HLTF: variants seen among roughly 807,000 people sequenced by gnomAD.
The protein encoded by HLTF is DNA-dependent ATPase/E3 ubiquitin-protein ligase HLTF.
A neutral mutation model predicts 129.4 loss-of-function variants in HLTF; 127 were observed. The ratio of observed to expected loss-of-function variants is 0.98; its 90% CI spans 0.85 to 1.14. HLTF has a LOEUF of 1.14. Ranked by LOEUF, HLTF falls within the 50% of genes most tolerant of loss-of-function variation. HLTF has a pLI of 0.00. For synonymous variants in HLTF, 332 were observed against 388.8 expected, an observed-to-expected ratio of 0.85 and a Z score of 1.72; for missense variants, 1,139 against 1,187.1, an observed-to-expected ratio of 0.96 and a Z score of 0.60.
chr3:149,068,357 T>A (rs752641503), intron 7 of HLTF, 22 bp from the exon 8 acceptor site: 2 of 1,169,610 alleles, frequency 1.7e-6, no homozygotes, highest in African/African-American at 3.1e-5. Context: ...TTTAAAAAGA[T>A]AAATGGTCAG....
At chr3:149,038,462 T>C (rs1715833082) in intron 23 of HLTF, among the ~76,000 whole-genome samples, 1 of 152,238 alleles carries the variant, frequency 6.6e-6, no homozygotes, top group Non-Finnish European at 1.5e-5. Context: ...TATTTACTTT[T>C]CTGTGCTTCA....
chr3:149,044,017 C>G (rs1361055564), intron 18 of HLTF, among the ~76,000 whole-genome samples: 1 of 152,056 alleles, frequency 6.6e-6, no homozygotes, highest in Non-Finnish European at 1.5e-5. Context: ...AAGGAATAGG[C>G]AAAATAATAC....
chr3:149,084,724 A>G lies in HLTF; in HGVS notation c.186T>C (p.Ser62=), dbSNP rs1379316526. 1.2e-6 allele frequency: 2 copies of G among 1,613,988 alleles called. No homozygotes were observed. Among genetic ancestry groups the G allele is most frequent in the African/African-American group, 2.7e-5 (2 of 74,924 alleles). Residue 62 remains serine (S), a synonymous_variant, in exon 2 of 25, where the codon AGT becomes AGC. Coordinates refer to ENST00000310053, the MANE Select transcript of HLTF (RefSeq NM_003071.4). ...GTAGTCCAACCACATGACCTCTCAA[A>G]CTTCCAAATAAAACGGAATCTACTT... ...DEEVDSVLFG[S]LRGHVVGLRY...
intron 4 of HLTF, 137 bp from the exon 5 acceptor site, chr3:149,073,459 C>A: frequency 1.6e-6 from 1 of 611,714 alleles, no homozygotes; most frequent in South Asian, 2.3e-5. Context: ...TTTGGGAGGC[C>A]AAGGCAGGTG....
intron 10 of HLTF, chr3:149,063,059 C>CTCTTTT (rs1313336365): frequency 2.2e-6 from 1 of 456,676 alleles, no homozygotes; most frequent in African/African-American, 2.0e-5. Context: ...CTCTATCTCT[C>CTCTTTT]TCTTTTTCTT....
chr3:149,039,119 A>C lies in HLTF; in HGVS notation c.2726T>G (p.Leu909Arg). The change falls in exon 23 of 25, where the codon CTT becomes CGT. Residue 909 changes from leucine to arginine, a missense_variant. By Grantham distance (102) the Leu-to-Arg change is moderately radical (BLOSUM62 -2). Coordinates refer to ENST00000310053, the MANE Select transcript of HLTF (RefSeq NM_003071.4). Reference protein sequence around the residue: ...NTEAGSPTIMLLSLKAGGVGL... With the variant: ...NTEAGSPTIMRLSLKAGGVGL... ...AACTCCACCTGCTTTTAAGGACAGA[A>C]GCATTATAGTTGGAGATCCTGCTTC... The C allele has an allele frequency of 1.2e-6, 2 of 1,612,506 alleles. No homozygotes were observed. The highest frequency in any genetic ancestry group is 1.7e-6 in the Non-Finnish European group (2 of 1,179,362).
chr3:149,060,550 A>T, intron 12 of HLTF, 93 bp downstream of exon 12: 1 of 967,016 alleles, frequency 1.0e-6, no homozygotes, highest in Non-Finnish European at 1.6e-6. Flanking sequence ...AAGAGCTATT[A>T]CTAAAACATT....
intron 18 of HLTF, 136 bp from the exon 19 acceptor site, chr3:149,042,426 C>A: frequency 1.4e-6 from 1 of 728,294 alleles, no homozygotes; most frequent in Non-Finnish European, 2.2e-6. Context: ...AGCAGAAAAG[C>A]AACTCTAATA....
chr3:149,075,476 G>A (rs1039454956), intron 3 of HLTF, among the ~76,000 whole-genome samples: 6 of 151,458 alleles, frequency 4.0e-5, no homozygotes, highest in Non-Finnish European at 2.9e-5. Flanking sequence ...CCCTGGAGGC[G>A]GAGGTTGCAG....
chr3:149,061,435 A>C (rs1717938719), intron 10 of HLTF, among the ~76,000 whole-genome samples: 1 of 151,980 alleles, frequency 6.6e-6, no homozygotes, highest in Admixed American at 6.6e-5. Context: ...AAATAAAATA[A>C]AATAAAATAA....
rs749606859 is a variant in HLTF at position 149,032,300 on chromosome 3, C to T, written c.2950G>A (p.Ala984Thr). Residue 984 changes from alanine (A) to threonine (T), a missense_variant, in exon 25 of 25, where the codon GCC becomes ACC. Physicochemically the swap from Ala to Thr is moderately conservative, Grantham distance 58 (BLOSUM62 0). Transcript: ENST00000310053. ...QNKKRELAAG[A>T]FGTKKPNADE... ...GCATTTGGTTTTTTAGTTCCAAAGG[C>T]TCCTGCTGCAAGTTCTCTCTTTTTG... 1 of 1,601,000 alleles carries T rather than the reference C, an allele frequency of 6.2e-7. No individual in the cohort carries two copies.
At chr3:149,063,403 A>G (rs1718112402) in intron 10 of HLTF, 28 bp downstream of exon 10, 7 of 1,349,334 alleles carry the variant, frequency 5.2e-6, no homozygotes, top group Middle Eastern at 1.8e-4. Flanking sequence ...AAATAAACAT[A>G]TGACATAATC....
intron 23 of HLTF, among the ~76,000 whole-genome samples, chr3:149,035,420 C>T (rs1445088140): frequency 6.6e-6 from 1 of 151,958 alleles, no homozygotes; most frequent in African/African-American, 2.4e-5. Flanking sequence ...TTTTCTTTCA[C>T]TTTCCTCTGT....
In HLTF at chr3:149,032,972, AAAAAAC is replaced by A. The variant is rs1715254367; in HGVS notation, c.2878-606_2878-601del. Among the ~76,000 whole-genome samples, 3 of 141,990 alleles carry A rather than the reference AAAAAAC, an allele frequency of 2.1e-5. No homozygotes were observed. In the South Asian group the frequency reaches 6.6e-4, roughly 31 times the overall value. 93.2% of individuals were successfully genotyped at this position (141,990 alleles called of 152,430 possible). A position where few individuals can be genotyped will look rare whatever the true frequency, so the allele number is the denominator to read the frequency against. ...AGCGACGTCTCAAAAAAAAAAAAAA[AAAAAAC>A]AAAAAACTATTCCCAGAAATTCAAG... On this transcript the variant is annotated intron_variant, in intron 24 of 24. Coordinates refer to ENST00000310053, the MANE Select transcript of HLTF (RefSeq NM_003071.4).
At chr3:149,084,308 A>G (rs1243557117) in intron 2 of HLTF, among the ~76,000 whole-genome samples, 1 of 152,064 alleles carries the variant, frequency 6.6e-6, no homozygotes, top group Non-Finnish European at 1.5e-5. Context: ...CAGACACCCT[A>G]TTGAGAAGCT....
chr3:149,043,547 GAAA>G (rs35953851), intron 18 of HLTF, among the ~76,000 whole-genome samples: 1 of 83,678 alleles, frequency 1.2e-5, no homozygotes, highest in Non-Finnish European at 2.6e-5. Context: ...ACTTCAGAGG[GAAA>G]AAAAAAAAAA....
At chr3:149,046,394 G>A in intron 17 of HLTF, 135 bp from the exon 18 acceptor site, 4 of 517,412 alleles carry the variant, frequency 7.7e-6, no homozygotes, top group South Asian at 3.7e-5. Flanking sequence ...CCCTTATTTG[G>A]GATTTTAACC....
chr3:149,057,939 T>C (rs769274147), intron 13 of HLTF, among the ~76,000 whole-genome samples: 4 of 152,228 alleles, frequency 2.6e-5, no homozygotes, highest in Non-Finnish European at 5.9e-5. Flanking sequence ...AGATGGTCTA[T>C]ATTCAGCTTC....
chr3:149,070,404 T>C (rs1033000641), intron 7 of HLTF, among the ~76,000 whole-genome samples: 20 of 152,218 alleles, frequency 1.3e-4, no homozygotes, highest in African/African-American at 4.8e-4. Context: ...ACAAAAATGT[T>C]AATGTTTTGG....
Sources: gnomAD v4.1 joint callset for allele counts (sites outside exome capture counted in the v4.1 genomes callset) on GRCh38, gnomAD v4.1.1 for gene constraint, MANE v1.5 for transcripts, NCBI Gene and HGNC (gene_info 2026-07-23, HGNC 2026-07-21) for gene names.